MAGI3: variants seen among roughly 807,000 people sequenced by gnomAD.
MAGI3 encodes membrane-associated guanylate kinase, WW and PDZ domain-containing protein 3.
MAGI3 carries 43 observed loss-of-function variants against 121.8 expected under a neutral mutation model. That is an observed-to-expected ratio of 0.35 (90% CI 0.28 to 0.46). The LOEUF is 0.46. MAGI3 is among the 20% of genes least tolerant of loss of function. The pLI is 1.00. For missense variants in MAGI3, 1,547 were observed against 1,797.3 expected (o/e 0.86, Z 2.52); for synonymous variants, 553 against 639.3 (o/e 0.86, Z 2.04).
chr1:113,651,418 A>G (rs1411216293), intron 14 of MAGI3, among the ~76,000 whole-genome samples: 2 of 152,200 alleles, frequency 1.3e-5, no homozygotes, highest in South Asian at 2.1e-4. Flanking sequence ...GGGCTTCTAT[A>G]TTAAGATTAT....
intron 6 of MAGI3, among the ~76,000 whole-genome samples, chr1:113,609,650 A>C (rs1419566251): frequency 2.0e-5 from 3 of 152,238 alleles, no homozygotes; most frequent in Admixed American, 6.5e-5. Context: ...ATGATTAAAA[A>C]AATTATCAAC....
chr1:113,507,243 T>C (rs1657378192), intron 1 of MAGI3, among the ~76,000 whole-genome samples: 1 of 152,214 alleles, frequency 6.6e-6, no homozygotes. Flanking sequence ...CTGTTTTACA[T>C]GTGAGGAAAC....
intron 16 of MAGI3, among the ~76,000 whole-genome samples, chr1:113,663,439 T>C (rs779707119): frequency 1.3e-5 from 2 of 152,246 alleles, no homozygotes; most frequent in Admixed American, 1.3e-4. Context: ...GGGTATTTCA[T>C]ATAAATAGAA....
chr1:113,441,764 TATAATAAAA>T (rs1272387719), intron 1 of MAGI3, among the ~76,000 whole-genome samples: 2 of 152,210 alleles, frequency 1.3e-5, no homozygotes, highest in African/African-American at 4.8e-5. Context: ...TTAGTCCCTC[TATAATAAAA>T]AAGTTAAGAA....
chr1:113,549,410 A>T, intron 1 of MAGI3, 105 bp from the exon 2 acceptor site: 1 of 575,202 alleles, frequency 1.7e-6, no homozygotes. Context: ...TATCCTGTTT[A>T]TAGCTAACTG....
Position 113,585,517 on chromosome 1 carries a change from G to A in MAGI3, c.684G>A (p.Lys228=), listed in dbSNP as rs760994742. Residue 228 remains lysine (K), a synonymous_variant, in exon 4 of 21, where the codon AAG becomes AAA. Coordinates refer to ENST00000307546, the MANE Select transcript of MAGI3 (RefSeq NM_001142782.2). ...SQRKRTTSVS[K]MERMDSSLPE... is the part of the protein sequence containing the mutation. ...GAAAACGAACGACATCTGTCAGCAAGATGGAAAGAATGGATAGCTCTCTTC... is the reference window on the plus strand; with the variant it reads ...GAAAACGAACGACATCTGTCAGCAAAATGGAAAGAATGGATAGCTCTCTTC... 9.9e-6 allele frequency: 16 copies of A among 1,614,042 alleles called. No individual in the cohort carries two copies. The highest frequency in any genetic ancestry group is 1.7e-5 in the Admixed American group (1 of 60,000).
intron 1 of MAGI3, among the ~76,000 whole-genome samples, chr1:113,505,011 T>TTCATAC (rs1657240175): frequency 6.6e-6 from 1 of 152,168 alleles, no homozygotes; most frequent in Admixed American, 6.5e-5. Flanking sequence ...TGTATGAGTG[T>TTCATAC]GTGAACCTAC....
chr1:113,449,145 A>G (rs1172665919), intron 1 of MAGI3, among the ~76,000 whole-genome samples: 1 of 152,092 alleles, frequency 6.6e-6, no homozygotes, highest in Non-Finnish European at 1.5e-5. Flanking sequence ...ATATTTTGCA[A>G]TATCAGGGGG....
chr1:113,510,780 A>G (rs1657575214), intron 1 of MAGI3, among the ~76,000 whole-genome samples: 1 of 152,172 alleles, frequency 6.6e-6, no homozygotes, highest in South Asian at 2.1e-4. Flanking sequence ...ATCCTCCTCT[A>G]ACCACCATAT....
At chr1:113,584,976 T>TAA in intron 3 of MAGI3, among the ~76,000 whole-genome samples, 1 of 143,606 alleles carries the variant, frequency 7.0e-6, no homozygotes, top group South Asian at 2.3e-4. Context: ...CCTTTTTTTT[T>TAA]TTTTTTTTTT....
At chr1:113,610,488 C>T (rs1650050918) in intron 6 of MAGI3, among the ~76,000 whole-genome samples, 1 of 152,050 alleles carries the variant, frequency 6.6e-6, no homozygotes, top group Non-Finnish European at 1.5e-5. Flanking sequence ...CTTTGGAGTA[C>T]CGGGTTCATA....
intron 1 of MAGI3, among the ~76,000 whole-genome samples, chr1:113,464,930 T>G (rs1655202893): frequency 6.6e-6 from 1 of 152,176 alleles, no homozygotes; most frequent in Non-Finnish European, 1.5e-5. Flanking sequence ...TGCAAAGATT[T>G]TCTCTCATTC....
chr1:113,404,785 A>G (rs938795649), intron 1 of MAGI3, among the ~76,000 whole-genome samples: 42 of 152,086 alleles, frequency 2.8e-4, no homozygotes, highest in Admixed American at 2.4e-3. Flanking sequence ...GAGTGGTGTT[A>G]ATAGCAGAGC....
In MAGI3 at chr1:113,505,553, A is replaced by AATAAATAT. The variant is rs1051747568; in HGVS notation, c.317-43959_317-43958insAATATATA. Among the ~76,000 whole-genome samples, 24 of 148,664 alleles carry AATAAATAT rather than the reference A, an allele frequency of 1.6e-4. 1 individual carries two copies. Among genetic ancestry groups the AATAAATAT allele is most frequent in the East Asian group, 7.8e-4 (4 of 5,142 alleles). ...AAATAAATAAATAAATAAATAAATAAATATATAATGTCAGATCACATAAAA... is the reference window on the plus strand; with the variant it reads ...AAATAAATAAATAAATAAATAAATAAATAAATATATATATAATGTCAGATCACATAAAA... On this transcript the variant is annotated intron_variant, in intron 1 of 20. Transcript: ENST00000307546.
At chr1:113,669,428 G>T (rs1191340254) in intron 16 of MAGI3, among the ~76,000 whole-genome samples, 1 of 152,222 alleles carries the variant, frequency 6.6e-6, no homozygotes, top group Non-Finnish European at 1.5e-5. Flanking sequence ...TGCCAGGTAG[G>T]ATTTCACAGA....
intron 3 of MAGI3, among the ~76,000 whole-genome samples, chr1:113,581,479 G>A (rs1161847857): frequency 6.6e-6 from 1 of 152,110 alleles, no homozygotes. Context: ...TCAGAACAGT[G>A]AAATCATTAT....
intron 6 of MAGI3, among the ~76,000 whole-genome samples, chr1:113,597,460 A>T (rs966996950): frequency 1.3e-5 from 2 of 152,222 alleles, no homozygotes; most frequent in African/African-American, 4.8e-5. Flanking sequence ...AATTGTATAT[A>T]TGTAAATTAT....
At chr1:113,642,968 A>G (rs1230661) in intron 10 of MAGI3, among the ~76,000 whole-genome samples, 122,767 of 152,232 alleles carry the variant, frequency 0.81, 50,600 homozygotes, top group African/African-American at 0.96. Flanking sequence ...TGGATGGTGT[A>G]TTAATCTGTT....
chr1:113,473,038 A>G (rs1239683392), intron 1 of MAGI3, among the ~76,000 whole-genome samples: 1 of 152,182 alleles, frequency 6.6e-6, no homozygotes, highest in Non-Finnish European at 1.5e-5. Flanking sequence ...ATTTATAGTA[A>G]CTTTTTAAAA....
Sources: gnomAD v4.1 joint callset for allele counts (sites outside exome capture counted in the v4.1 genomes callset) on GRCh38, gnomAD v4.1.1 for gene constraint, MANE v1.5 for transcripts, NCBI Gene and HGNC (gene_info 2026-07-23, HGNC 2026-07-21) for gene names.